The following DNAAF11 variants were observed in gnomAD, a reference collection of about 807,000 sequenced individuals.
DNAAF11 encodes the protein dynein axonemal assembly factor 11.
DNAAF11 carries 45 observed loss-of-function variants against 60.8 expected under a neutral mutation model. The observed-to-expected ratio is 0.74, with a 90% CI of 0.58 to 0.95. The LOEUF (loss-of-function observed/expected upper bound fraction) is 0.95, where lower values mean the gene tolerates loss of function less well. DNAAF11 is among the 40% of genes least tolerant of loss of function. The pLI is 0.00. For missense variants in DNAAF11, 546 were observed against 546.2 expected (o/e 1.00, Z 0.00); for synonymous variants, 191 against 183.5 (o/e 1.04, Z -0.33).
Position 132,656,844 on chromosome 8 carries a change from A to AT in DNAAF11, c.241dup (p.Ile81AsnfsTer8). The AT allele has an allele frequency of 7.5e-7, 1 of 1,340,626 alleles. No homozygotes were observed. The highest frequency in any genetic ancestry group is 1.0e-6 in the Non-Finnish European group (1 of 955,470). 83.0% of individuals were successfully genotyped at this position (1,340,626 alleles called of 1,614,324 possible). A position where few individuals can be genotyped will look rare whatever the true frequency, so the allele number is the denominator to read the frequency against. On this transcript the variant is annotated frameshift_variant, in exon 3 of 12. Transcript: ENST00000620350. LOFTEE classifies it high-confidence loss of function. ...AACAGTCTTACCTTCCAAGTTTTCT[A>AT]TTTTTTCAATGTTGTTTAAAGCTAA...
chr8:132,583,850 T>G, intron 10 of DNAAF11, 71 bp from the exon 11 acceptor site: 1 of 1,012,648 alleles, frequency 9.9e-7, no homozygotes, highest in South Asian at 1.3e-5. Context: ...TATACATATA[T>G]GTATTTTAAA....
intron 3 of DNAAF11, among the ~76,000 whole-genome samples, chr8:132,647,592 G>T (rs201310748): frequency 7.4e-5 from 11 of 148,610 alleles, no homozygotes; most frequent in Admixed American, 1.4e-4. Flanking sequence ...TTTGAAAAGA[G>T]CAACAACATT....
chr8:132,643,209 C>A (rs537958870), intron 3 of DNAAF11, among the ~76,000 whole-genome samples: 44 of 152,202 alleles, frequency 2.9e-4, no homozygotes, highest in Non-Finnish European at 5.9e-4. Flanking sequence ...GGTTTGGGGA[C>A]CCCTGTGCTA....
chr8:132,684,858 G>A, the DNAAF11 span: 1 of 152,162 alleles, frequency 6.6e-6, no homozygotes, highest in South Asian at 2.1e-4. Context: ...GATGTCCTAT[G>A]ATGCTAAAAA....
chr8:132,666,180 C>T (rs1224189670), intron 1 of DNAAF11, among the ~76,000 whole-genome samples: 1 of 152,176 alleles, frequency 6.6e-6, no homozygotes, highest in African/African-American at 2.4e-5. Context: ...ACTTGAAGCT[C>T]AGACCCCAGC....
At chr8:132,604,661 T>G (rs1817961902) in intron 10 of DNAAF11, among the ~76,000 whole-genome samples, 1 of 152,162 alleles carries the variant, frequency 6.6e-6, no homozygotes, top group Non-Finnish European at 1.5e-5. Context: ...CGGATGATGA[T>G]GAAAAGATTA....
At chr8:132,584,095 G>C (rs375726308) in intron 10 of DNAAF11, among the ~76,000 whole-genome samples, 1 of 152,074 alleles carries the variant, frequency 6.6e-6, no homozygotes, top group African/African-American at 2.4e-5. Context: ...GTGGGGTGTT[G>C]GGGATACAGA....
intron 1 of DNAAF11, among the ~76,000 whole-genome samples, chr8:132,664,756 C>T (rs1201263219): frequency 1.3e-5 from 2 of 151,834 alleles, no homozygotes; most frequent in South Asian, 2.1e-4. Flanking sequence ...TGAGCCACTG[C>T]GACCAACCAA....
At chr8:132,610,125 T>G (rs1818505059) in intron 10 of DNAAF11, 41 bp downstream of exon 10, 1 of 1,433,350 alleles carries the variant, frequency 7.0e-7, no homozygotes, top group Non-Finnish European at 9.8e-7. Flanking sequence ...TCAGGAACCC[T>G]CATATCCAGA....
chr8:132,646,142 T>C (rs190370031), intron 3 of DNAAF11, among the ~76,000 whole-genome samples: 8 of 152,254 alleles, frequency 5.3e-5, no homozygotes, highest in African/African-American at 1.9e-4. Flanking sequence ...GATCTCTCAG[T>C]AGAAACTCTA....
the DNAAF11 span, among the ~76,000 whole-genome samples, chr8:132,688,411 T>C: frequency 6.6e-6 from 1 of 152,188 alleles, no homozygotes; most frequent in Non-Finnish European, 1.5e-5. Context: ...CTACTCTCCA[T>C]GAGGGTTTGT....
rs1309924889 is a variant in DNAAF11 at position 132,571,142 on chromosome 8, A to G, written c.*1164T>C. ...CTTCCACTGGAAGCCTGTTTAATAG[A>G]GAAAGGCCCTGTCTGAAAAAGCACC... On this transcript the variant is annotated 3_prime_UTR_variant, in exon 12 of 12. Transcript: ENST00000620350. Among the ~76,000 whole-genome samples the G allele has an allele frequency of 9.2e-5, 14 of 152,144 alleles. No individual in the cohort carries two copies. The highest frequency in any genetic ancestry group is 9.2e-4 in the Admixed American group (14 of 15,280).
chr8:132,581,510 C>T (rs1815322681), intron 11 of DNAAF11, among the ~76,000 whole-genome samples: 1 of 151,752 alleles, frequency 6.6e-6, no homozygotes, highest in Non-Finnish European at 1.5e-5. Context: ...ATTAACCAGG[C>T]ATGGTGGCAG....
chr8:132,651,672 A>T (rs771967323), intron 3 of DNAAF11, among the ~76,000 whole-genome samples: 6 of 152,210 alleles, frequency 3.9e-5, no homozygotes, highest in African/African-American at 4.8e-5. Flanking sequence ...TCACACAAAC[A>T]GAACTCATAC....
At chr8:132,682,874 A>G in the DNAAF11 span, among the ~76,000 whole-genome samples, 1 of 152,218 alleles carries the variant, frequency 6.6e-6, no homozygotes, top group Non-Finnish European at 1.5e-5. Context: ...CTACAAGGCA[A>G]GAGAGGAAGC....
intron 11 of DNAAF11, among the ~76,000 whole-genome samples, chr8:132,583,071 A>G (rs1815497428): frequency 6.6e-6 from 1 of 152,190 alleles, no homozygotes; most frequent in South Asian, 2.1e-4. Context: ...ACAGTAGAGG[A>G]TACCAAGAAG....
chr8:132,572,573 G>A lies in DNAAF11; in HGVS notation c.1227-93C>T, dbSNP rs16904707. 94,275 of 881,640 alleles carry A rather than the reference G, an allele frequency of 0.11. 8,272 individuals are homozygous for A. Among genetic ancestry groups the A allele is most frequent in the African/African-American group, 0.4 (23,523 of 58,804 alleles). The allele number at this position is 881,640 out of a possible 1,614,324, so 54.6% of individuals were successfully genotyped here. A position where few individuals can be genotyped will look rare whatever the true frequency, so the allele number is the denominator to read the frequency against. ...TCACCCATCCATTTATTCAGCAAAC[G>A]TTGGCAAGTAATATGCCTGGAGCAC... On this transcript the variant is annotated intron_variant, in intron 11 of 11. Transcript: ENST00000620350.
At chr8:132,665,600 G>A (rs1263193783) in intron 1 of DNAAF11, among the ~76,000 whole-genome samples, 1 of 152,118 alleles carries the variant, frequency 6.6e-6, no homozygotes, top group Non-Finnish European at 1.5e-5. Flanking sequence ...TAAAATAATA[G>A]ACGTTGGCAA....
At chr8:132,581,891 G>C (rs1404872929) in intron 11 of DNAAF11, among the ~76,000 whole-genome samples, 4 of 152,118 alleles carry the variant, frequency 2.6e-5, no homozygotes, top group Non-Finnish European at 5.9e-5. Flanking sequence ...TCGTTTGGAG[G>C]AATTTGTGCT....
Sources: allele counts gnomAD v4.1 joint callset (sites outside exome capture counted in the v4.1 genomes callset), GRCh38; gene constraint gnomAD v4.1.1; transcripts MANE v1.5; gene names NCBI Gene and HGNC (gene_info 2026-07-23, HGNC 2026-07-21).